PLXNA4: variants seen among roughly 807,000 people sequenced by gnomAD.
PLXNA4 encodes the protein plexin-A4.
In PLXNA4, 44 loss-of-function variants were observed where a neutral mutation model predicts 191.8. The ratio of observed to expected loss-of-function variants is 0.23; its 90% CI spans 0.18 to 0.29. The LOEUF is 0.29. Among genes scored for constraint, PLXNA4 ranks in the 10% least tolerant of loss-of-function variants. PLXNA4 has a pLI of 1.00. For synonymous variants in PLXNA4, 1,082 were observed against 1,009.5 expected, an observed-to-expected ratio of 1.07 and a Z score of -1.36; for missense variants, 1,800 against 2,488.8, an observed-to-expected ratio of 0.72 and a Z score of 5.89.
chr7:132,566,950 G>T (rs1306158029), intron 1 of PLXNA4, among the ~76,000 whole-genome samples: 5 of 152,106 alleles, frequency 3.3e-5, no homozygotes, highest in Admixed American at 3.3e-4. Flanking sequence ...CATTCTTCTG[G>T]TTTTTTCACC....
At chr7:132,429,595 T>G (rs999601112) in intron 3 of PLXNA4, among the ~76,000 whole-genome samples, 1 of 152,206 alleles carries the variant, frequency 6.6e-6, no homozygotes, top group Non-Finnish European at 1.5e-5. Context: ...GTTCTTTTGA[T>G]TTTTTTCAAC....
intron 3 of PLXNA4, among the ~76,000 whole-genome samples, chr7:132,304,472 A>G (rs1458188381): frequency 6.6e-6 from 1 of 152,214 alleles, no homozygotes; most frequent in East Asian, 1.9e-4. Flanking sequence ...AATATACCCC[A>G]AATATGACAT....
intron 1 of PLXNA4, among the ~76,000 whole-genome samples, chr7:132,550,746 T>C (rs1326455367): frequency 1.3e-5 from 2 of 152,176 alleles, no homozygotes; most frequent in Non-Finnish European, 1.5e-5. Context: ...ATGACCCTAA[T>C]AGTCCTCCTA....
At chr7:132,447,753 C>T (rs1445952470) in intron 3 of PLXNA4, among the ~76,000 whole-genome samples, 3 of 151,698 alleles carry the variant, frequency 2.0e-5, no homozygotes, top group Non-Finnish European at 4.4e-5. Context: ...TTTGGGAGGC[C>T]GAGTTGGGCA....
Position 132,396,647 on chromosome 7 carries a change from T to C in PLXNA4, c.1371+92645A>G, listed in dbSNP as rs928106347. Among the ~76,000 whole-genome samples, 12 of 152,302 alleles carry C rather than the reference T, an allele frequency of 7.9e-5. No homozygotes were observed. The East Asian group carries it at 1.9e-3, about 25-fold the overall frequency. The stretch of plus-strand genomic sequence containing the variant: ...CTGGGATTACAGGTGTGTGCAACCA[T>C]GGCCGACTAATTTTTTGTATTTTTG... On this transcript the variant is annotated intron_variant, in intron 3 of 31. Coordinates refer to ENST00000321063, the MANE Select transcript of PLXNA4 (RefSeq NM_020911.2).
At chr7:132,603,884 G>A (rs764833192) in intron 2 of PLXNA4, among the ~76,000 whole-genome samples, 20 of 152,284 alleles carry the variant, frequency 1.3e-4, no homozygotes, top group South Asian at 4.1e-4. Context: ...AATTTGGGGC[G>A]GGGTCCTTTG....
Position 132,130,401 on chromosome 7 carries a change from C to T in PLXNA4, c.*78G>A, listed in dbSNP as rs75535994. 3,668 of 1,601,516 alleles carry T rather than the reference C, an allele frequency of 2.3e-3. 72 individuals carry two copies. In the African/African-American group the frequency reaches 0.044, roughly 19 times the overall value. On this transcript the variant is annotated 3_prime_UTR_variant, in exon 32 of 32. Coordinates refer to ENST00000321063, the MANE Select transcript of PLXNA4 (RefSeq NM_020911.2). ...TGCTGCTGATGCCAGTCGGAACTTGCACTTGGTAAAGATGATAATCTAGAC... is the reference window on the plus strand; with the variant it reads ...TGCTGCTGATGCCAGTCGGAACTTGTACTTGGTAAAGATGATAATCTAGAC...
At chr7:132,255,285 T>C (rs975767901) in intron 4 of PLXNA4, among the ~76,000 whole-genome samples, 2 of 152,142 alleles carry the variant, frequency 1.3e-5, no homozygotes, top group Non-Finnish European at 2.9e-5. Context: ...AGCTGATGCT[T>C]AGATCTTAAC....
At chr7:132,429,260 G>A (rs1362456952) in intron 3 of PLXNA4, among the ~76,000 whole-genome samples, 2 of 152,184 alleles carry the variant, frequency 1.3e-5, no homozygotes, top group African/African-American at 2.4e-5. Context: ...CTTAACTTCT[G>A]TCTTTGGTCC....
chr7:132,204,142 T>C (rs1272452684), intron 10 of PLXNA4, among the ~76,000 whole-genome samples: 1 of 151,694 alleles, frequency 6.6e-6, no homozygotes, highest in Non-Finnish European at 1.5e-5. Context: ...AGATTCCTGT[T>C]GTGCTCCTGT....
At chr7:132,467,066 G>T (rs1796734245) in intron 3 of PLXNA4, among the ~76,000 whole-genome samples, 1 of 152,168 alleles carries the variant, frequency 6.6e-6, no homozygotes, top group African/African-American at 2.4e-5. Context: ...CTCCACACAT[G>T]GAAAAGCCTC....
At chr7:132,199,735 G>A (rs1174572283) in intron 12 of PLXNA4, among the ~76,000 whole-genome samples, 1 of 152,212 alleles carries the variant, frequency 6.6e-6, no homozygotes, top group East Asian at 1.9e-4. Flanking sequence ...GTGAAAGATG[G>A]GGGAAGCAGA....
At chr7:132,310,766 G>T (rs1801697492) in intron 3 of PLXNA4, among the ~76,000 whole-genome samples, 1 of 152,198 alleles carries the variant, frequency 6.6e-6, no homozygotes, top group Non-Finnish European at 1.5e-5. Context: ...TCTGCCCTAG[G>T]TTCTTCCCCT....
intron 29 of PLXNA4, 118 bp downstream of exon 29, chr7:132,145,001 C>A (rs1795376628): frequency 1.4e-6 from 2 of 1,455,580 alleles, no homozygotes; most frequent in African/African-American, 1.4e-5. Flanking sequence ...AGAGTCCCTG[C>A]TGATGAAAAC....
At chr7:132,637,606 G>C (rs1803633659) in intron 2 of PLXNA4, among the ~76,000 whole-genome samples, 2 of 152,208 alleles carry the variant, frequency 1.3e-5, no homozygotes, top group African/African-American at 4.8e-5. Context: ...AAGAAGCCAT[G>C]CTTGTCTTCC....
chr7:132,378,847 C>CTTTTTT (rs11375919), intron 3 of PLXNA4, among the ~76,000 whole-genome samples: 1 of 119,048 alleles, frequency 8.4e-6, no homozygotes, highest in Non-Finnish European at 1.7e-5. Context: ...GGCACTGGAT[C>CTTTTTT]TTTTTTTTTT....
intron 30 of PLXNA4, among the ~76,000 whole-genome samples, chr7:132,133,551 C>T (rs899180062): frequency 1.3e-5 from 2 of 152,058 alleles, no homozygotes. Flanking sequence ...TCTCTAACGC[C>T]CCTCCCACAG....
intron 1 of PLXNA4, among the ~76,000 whole-genome samples, chr7:132,526,346 C>T (rs1799400834): frequency 6.6e-6 from 1 of 152,212 alleles, no homozygotes; most frequent in Admixed American, 6.5e-5. Context: ...ACGCCTGTGA[C>T]AACTGCCTTC....
intron 5 of PLXNA4, among the ~76,000 whole-genome samples, chr7:132,236,947 G>C (rs531422242): frequency 1.6e-4 from 24 of 152,312 alleles, no homozygotes; most frequent in Admixed American, 1.2e-3. Context: ...AAAAGTGAAA[G>C]GGAGGGCAGA....
Sources: allele counts gnomAD v4.1 joint callset (sites outside exome capture counted in the v4.1 genomes callset), GRCh38; gene constraint gnomAD v4.1.1; transcripts MANE v1.5; gene names NCBI Gene and HGNC (gene_info 2026-07-23, HGNC 2026-07-21).